The following FAT3 variants were observed in gnomAD, a reference collection of about 807,000 sequenced individuals.
FAT3 encodes protocadherin Fat 3.
In FAT3, 95 loss-of-function variants were observed where a neutral mutation model predicts 310.2. The ratio of observed to expected loss-of-function variants is 0.31; its 90% CI spans 0.26 to 0.36. The LOEUF (loss-of-function observed/expected upper bound fraction) is 0.36, where lower values mean the gene tolerates loss of function less well. FAT3 is among the 10% of genes least tolerant of loss of function. The pLI is 1.00. For synonymous variants in FAT3, 2,314 were observed against 2,192.9 expected (o/e 1.06, Z -1.54); for missense variants, 5,408 against 5,715.6 (o/e 0.95, Z 1.74).
intron 3 of FAT3, among the ~76,000 whole-genome samples, chr11:92,625,661 A>G (rs1231273172): frequency 6.6e-6 from 1 of 151,928 alleles, no homozygotes; most frequent in Non-Finnish European, 1.5e-5. Context: ...GGCTATGGCT[A>G]TTTGATGTTT....
At chr11:92,781,193 C>A (rs1946743496) in intron 7 of FAT3, among the ~76,000 whole-genome samples, 1 of 151,210 alleles carries the variant, frequency 6.6e-6, no homozygotes, top group African/African-American at 2.4e-5. Flanking sequence ...TCCTGCCCTC[C>A]TGCCTCAGGC....
intron 2 of FAT3, among the ~76,000 whole-genome samples, chr11:92,394,447 G>T (rs911403900): frequency 6.6e-6 from 1 of 151,596 alleles, no homozygotes; most frequent in Non-Finnish European, 1.5e-5. Context: ...AGAAAGAAAA[G>T]AAAAAAAATT....
intron 3 of FAT3, among the ~76,000 whole-genome samples, chr11:92,548,772 A>C (rs540257860): frequency 3.3e-5 from 5 of 152,314 alleles, no homozygotes; most frequent in Non-Finnish European, 7.3e-5. Context: ...GTAGGGAAGA[A>C]GTGAGAGAGG....
At chr11:92,735,414 T>A (rs933208029) in intron 4 of FAT3, among the ~76,000 whole-genome samples, 2 of 152,154 alleles carry the variant, frequency 1.3e-5, no homozygotes, top group African/African-American at 4.8e-5. Flanking sequence ...AAATCATTAC[T>A]TATATAGCTT....
intron 4 of FAT3, among the ~76,000 whole-genome samples, chr11:92,724,090 G>T (rs1367554654): frequency 6.6e-6 from 1 of 152,218 alleles, no homozygotes; most frequent in Non-Finnish European, 1.5e-5. Context: ...TGGGTGGGTT[G>T]TTGGTGGGTT....
intron 2 of FAT3, among the ~76,000 whole-genome samples, chr11:92,443,996 G>A (rs1360989086): frequency 2.0e-5 from 3 of 152,162 alleles, no homozygotes; most frequent in Non-Finnish European, 2.9e-5. Context: ...CTTGGACAGT[G>A]TTTCCTATGC....
At chr11:92,244,242 G>A (rs987493242) in intron 1 of FAT3, among the ~76,000 whole-genome samples, 2 of 152,050 alleles carry the variant, frequency 1.3e-5, no homozygotes, top group African/African-American at 4.8e-5. Context: ...GCTGAACTTT[G>A]TGCTTCTTTT....
chr11:92,369,371 T>G (rs971869588), intron 2 of FAT3, among the ~76,000 whole-genome samples: 1 of 152,194 alleles, frequency 6.6e-6, no homozygotes, highest in African/African-American at 2.4e-5. Context: ...GTCCTGATTT[T>G]AAGGTTGATG....
At chr11:92,768,606 T>C (rs541649098) in intron 6 of FAT3, among the ~76,000 whole-genome samples, 1 of 152,362 alleles carries the variant, frequency 6.6e-6, no homozygotes, top group Admixed American at 6.5e-5. Flanking sequence ...TCTTCAGCCA[T>C]GGAAACTCTC....
chr11:92,306,558 A>G (rs1947123761), intron 1 of FAT3, among the ~76,000 whole-genome samples: 1 of 128,568 alleles, frequency 7.8e-6, no homozygotes, highest in Non-Finnish European at 1.6e-5. Flanking sequence ...TATGTTATAT[A>G]TATTTATATT....
chr11:92,843,003 A>G (rs1450735590), intron 18 of FAT3, among the ~76,000 whole-genome samples: 4 of 151,784 alleles, frequency 2.6e-5, no homozygotes, highest in Non-Finnish European at 5.9e-5. Context: ...AATCCCCACA[A>G]TAGAAGGACC....
intron 3 of FAT3, among the ~76,000 whole-genome samples, chr11:92,565,917 C>G (rs1020972127): frequency 1.2e-3 from 175 of 152,102 alleles, no homozygotes; most frequent in African/African-American, 4.0e-3. Flanking sequence ...ATGACAAAAC[C>G]ACAGCCAATA....
intron 2 of FAT3, among the ~76,000 whole-genome samples, chr11:92,411,091 TTATA>T (rs1248340739): frequency 1.3e-3 from 128 of 99,032 alleles, no homozygotes; most frequent in African/African-American, 4.1e-3. Context: ...ACTATATAGA[TTATA>T]TATATTATAT....
At chr11:92,777,315 T>C (rs973235813) in intron 7 of FAT3, among the ~76,000 whole-genome samples, 7 of 152,188 alleles carry the variant, frequency 4.6e-5, no homozygotes, top group Non-Finnish European at 1.5e-5. Flanking sequence ...TCCTCAGTGA[T>C]TCTGTATCTA....
intron 4 of FAT3, among the ~76,000 whole-genome samples, chr11:92,756,142 C>G (rs1049389272): frequency 2.0e-5 from 3 of 152,160 alleles, no homozygotes; most frequent in African/African-American, 7.2e-5. Context: ...GTAGTTGCCC[C>G]TTTTCCATAG....
chr11:92,317,214 G>T (rs1371690958), intron 1 of FAT3, among the ~76,000 whole-genome samples: 1 of 152,104 alleles, frequency 6.6e-6, no homozygotes, highest in East Asian at 1.9e-4. Flanking sequence ...GCAAACATGT[G>T]GACAGGGAGA....
At chr11:92,783,503 A>T (rs61901942) in intron 7 of FAT3, among the ~76,000 whole-genome samples, 1 of 6,034 alleles carries the variant, frequency 1.7e-4, no homozygotes, top group Non-Finnish European at 7.6e-4. Flanking sequence ...TTTTTTAATT[A>T]AAAAAAAAAA....
intron 1 of FAT3, among the ~76,000 whole-genome samples, chr11:92,321,541 A>G (rs572123129): frequency 2.0e-5 from 3 of 152,204 alleles, no homozygotes; most frequent in Non-Finnish European, 2.9e-5. Context: ...ATCTAATTAG[A>G]CAAAAAAATT....
chr11:92,286,669 A>G (rs1000252656), intron 1 of FAT3, among the ~76,000 whole-genome samples: 4 of 152,148 alleles, frequency 2.6e-5, no homozygotes, highest in Non-Finnish European at 4.4e-5. Context: ...GCATTTTACC[A>G]TAGGATAGCA....
Sources: allele counts gnomAD v4.1 joint callset (sites outside exome capture counted in the v4.1 genomes callset), GRCh38; gene constraint gnomAD v4.1.1; transcripts MANE v1.5; gene names NCBI Gene and HGNC (gene_info 2026-07-23, HGNC 2026-07-21).